The following MED13 variants were observed in gnomAD, a reference collection of about 807,000 sequenced individuals.
MED13 encodes mediator of RNA polymerase II transcription subunit 13.
Under a neutral mutation model 225.2 loss-of-function variants are expected in MED13, and 23 were observed. The ratio of observed to expected loss-of-function variants is 0.10; its 90% CI spans 0.07 to 0.14. The LOEUF (loss-of-function observed/expected upper bound fraction) is 0.14, where lower values mean the gene tolerates loss of function less well. MED13 is among the 10% of genes least tolerant of loss of function. The pLI is 1.00. For missense variants in MED13, 2,197 were observed against 2,594.5 expected (o/e 0.85, Z 3.33); for synonymous variants, 942 against 889.2 (o/e 1.06, Z -1.06).
intron 9 of MED13, chr17:62,007,306 A>C (rs1238607728): frequency 2.6e-5 from 4 of 152,170 alleles, no homozygotes; most frequent in Non-Finnish European, 4.4e-5. Context: ...AACAAGACCA[A>C]AATAAAGTAA....
intron 2 of MED13, among the ~76,000 whole-genome samples, chr17:62,062,139 A>T (rs4968470): frequency 0.16 from 24,321 of 152,036 alleles, 2,397 homozygotes; most frequent in East Asian, 0.5. Flanking sequence ...ATAAGAACTT[A>T]AAAAAAATTA....
chr17:62,057,280 T>C (rs1004572603), intron 2 of MED13, among the ~76,000 whole-genome samples: 2 of 152,196 alleles, frequency 1.3e-5, no homozygotes, highest in Non-Finnish European at 2.9e-5. Context: ...TAATAACCTA[T>C]ACATTCAACA....
chr17:61,968,569 C>T (rs1212874460), intron 17 of MED13, among the ~76,000 whole-genome samples: 1 of 152,200 alleles, frequency 6.6e-6, no homozygotes, highest in Non-Finnish European at 1.5e-5. Flanking sequence ...CTTGTGTCCG[C>T]CCACCTCGGC....
intron 23 of MED13, among the ~76,000 whole-genome samples, chr17:61,958,285 A>C (rs2079967000): frequency 6.6e-6 from 1 of 152,070 alleles, no homozygotes; most frequent in Non-Finnish European, 1.5e-5. Flanking sequence ...CTCCCGCCTC[A>C]GCCTCCTGAG....
chr17:61,967,194 TTACTG>T (rs1252642193), intron 18 of MED13, among the ~76,000 whole-genome samples: 1 of 152,174 alleles, frequency 6.6e-6, no homozygotes, highest in Non-Finnish European at 1.5e-5. Context: ...GAAGAGTTCT[TTACTG>T]TAAGAATTTC....
At chr17:61,971,378 C>T (rs961816961) in intron 17 of MED13, among the ~76,000 whole-genome samples, 17 of 150,490 alleles carry the variant, frequency 1.1e-4, no homozygotes, top group African/African-American at 3.4e-4. Context: ...CGGCAACCTG[C>T]GCCTCCCGGG....
At chr17:61,953,893 C>G (rs1475516936) in intron 26 of MED13, among the ~76,000 whole-genome samples, 1 of 152,152 alleles carries the variant, frequency 6.6e-6, no homozygotes, top group African/African-American at 2.4e-5. Context: ...ATTCCTGAAA[C>G]CAAGGATAGT....
In MED13 at chr17:61,966,711, T is replaced by C. The variant is rs186204112; in HGVS notation, c.4192-60A>G. 5,061 of 1,124,708 alleles carry C rather than the reference T, an allele frequency of 4.5e-3. 30 individuals carry two copies. Among genetic ancestry groups the C allele is most frequent in the Non-Finnish European group, 4.5e-3 (3,734 of 828,846 alleles). The allele number at this position is 1,124,708 out of a possible 1,614,324, so 69.7% of individuals were successfully genotyped here. A position where few individuals can be genotyped will look rare whatever the true frequency, so the allele number is the denominator to read the frequency against. ...ATTTATTATTGTATTTAGATACACA[T>C]TATAAAACCAACCATGAAAGCTACT... is the stretch of plus-strand genomic sequence containing the variant. On this transcript the variant is annotated intron_variant, in intron 18 of 29. Coordinates refer to ENST00000397786, the MANE Select transcript of MED13 (RefSeq NM_005121.3).
At chr17:62,039,620 T>G (rs2143707700) in intron 3 of MED13, among the ~76,000 whole-genome samples, 1 of 145,008 alleles carries the variant, frequency 6.9e-6, no homozygotes, top group Non-Finnish European at 1.5e-5. Flanking sequence ...TGAGACAGTT[T>G]CACTCTTGTC....
Position 62,049,078 on chromosome 17 carries a change from C to CAAAAAAAAAAAAAAAAAAAAAAAAA in MED13, c.470+3458_470+3459insTTTTTTTTTTTTTTTTTTTTTTTTT, listed in dbSNP as rs890393330. ...GGCACCACCATAACAGTAAATAAGA[C>CAAAAAAAAAAAAAAAAAAAAAAAAA]AAAAAAAAAAAAAAAAAGGAGAAAT... On this transcript the variant is annotated intron_variant, in intron 3 of 29. Coordinates refer to ENST00000397786, the MANE Select transcript of MED13 (RefSeq NM_005121.3). Among the ~76,000 whole-genome samples the CAAAAAAAAAAAAAAAAAAAAAAAAA allele has an allele frequency of 6.6e-4, 30 of 45,306 alleles. 1 individual carries two copies. The highest frequency in any genetic ancestry group is 1.7e-3 in the East Asian group (2 of 1,210). 29.7% of individuals were successfully genotyped at this position (45,306 alleles called of 152,430 possible).
At chr17:62,052,739 G>C (rs2080967075) in intron 2 of MED13, 34 bp from the exon 3 acceptor site, 1 of 1,502,720 alleles carries the variant, frequency 6.7e-7, no homozygotes, top group South Asian at 1.4e-5. Context: ...ATAAAATAGT[G>C]ACACTATAAT....
intron 1 of MED13, 42 bp from the exon 2 acceptor site, chr17:62,063,343 C>T (rs368225511): frequency 1.1e-5 from 15 of 1,351,282 alleles, no homozygotes; most frequent in Non-Finnish European, 1.5e-5. Flanking sequence ...TGCATATTCA[C>T]TCAAAGTCAA....
At chr17:62,009,262 G>T (rs892026520) in intron 9 of MED13, among the ~76,000 whole-genome samples, 2 of 152,096 alleles carry the variant, frequency 1.3e-5, no homozygotes, top group Non-Finnish European at 2.9e-5. Context: ...CTGGAAAAAA[G>T]CCTTCTTCTG....
At position 61,956,433 on chromosome 17, in the gene MED13, A is replaced by G. The variant is rs917110234; in HGVS notation, c.5529T>C (p.Leu1843=). ...SSARKFGLQK[L]WEWCLGLVQM... is the part of the protein sequence containing the mutation. ...GTACAAGTCCTAAGCACCACTCCCA[A>G]AGTTTCTGTAGACCAAATTTTCTAG... The change falls in exon 24 of 30, where the codon CTT becomes CTC. Residue 1843 remains leucine (L), a synonymous_variant. Transcript: ENST00000397786. 1.9e-6 allele frequency: 3 copies of G among 1,612,974 alleles called. No individual in the cohort carries two copies. Among genetic ancestry groups the G allele is most frequent in the East Asian group, 2.2e-5 (1 of 44,804 alleles).
At chr17:62,050,813 G>C (rs1292908660) in intron 3 of MED13, among the ~76,000 whole-genome samples, 2 of 152,158 alleles carry the variant, frequency 1.3e-5, no homozygotes, top group African/African-American at 4.8e-5. Flanking sequence ...AGACAAGCCT[G>C]GGCAACATGG....
chr17:61,949,841 C>A (rs1438772142), intron 28 of MED13, among the ~76,000 whole-genome samples: 1 of 152,040 alleles, frequency 6.6e-6, no homozygotes, highest in Non-Finnish European at 1.5e-5. Flanking sequence ...TGCCACCACG[C>A]CTGGCTAATT....
chr17:62,042,786 CCAACACTTGATAGCTGTATGAGCTTGGA>C (rs2080864584), intron 3 of MED13, among the ~76,000 whole-genome samples: 1 of 151,770 alleles, frequency 6.6e-6, no homozygotes, highest in African/African-American at 2.4e-5. Context: ...AAATGCAGCT[CCAACACTTGATAGCTGTATGAGCTTGGA>C]CAGATTTGTA....
At chr17:62,004,372 G>C (rs921336306) in intron 9 of MED13, 2 of 152,190 alleles carry the variant, frequency 1.3e-5, no homozygotes, top group Non-Finnish European at 2.9e-5. Context: ...GCAGCATACA[G>C]GATAGGCAGT....
At chr17:61,956,654 C>T (rs188144522) in intron 23 of MED13, among the ~76,000 whole-genome samples, 173 bp from the exon 24 acceptor site, 2 of 152,184 alleles carry the variant, frequency 1.3e-5, no homozygotes, top group East Asian at 3.9e-4. Flanking sequence ...ATTCTCCTGC[C>T]TCAGCCTCAT....
Sources: allele counts gnomAD v4.1 joint callset (sites outside exome capture counted in the v4.1 genomes callset), GRCh38; gene constraint gnomAD v4.1.1; transcripts MANE v1.5; gene names NCBI Gene and HGNC (gene_info 2026-07-23, HGNC 2026-07-21).